Variants in KCNK3 observed in about 807,000 individuals in gnomAD.
The protein encoded by KCNK3 is potassium channel subfamily K member 3.
Under a neutral mutation model 27.3 loss-of-function variants are expected in KCNK3, and 9 were observed. That is an observed-to-expected ratio of 0.33 (90% CI 0.20 to 0.57). The LOEUF is 0.57. KCNK3 is among the 20% of genes least tolerant of loss of function. The pLI, the probability that KCNK3 is intolerant of heterozygous loss-of-function variation, is 0.87. For synonymous variants in KCNK3, 278 were observed against 273.8 expected, an observed-to-expected ratio of 1.02 and a Z score of -0.15; for missense variants, 391 against 577.7, an observed-to-expected ratio of 0.68 and a Z score of 3.31.
At chr2:26,706,580 C>A (rs557143296) in intron 1 of KCNK3, among the ~76,000 whole-genome samples, 1 of 152,260 alleles carries the variant, frequency 6.6e-6, no homozygotes, top group South Asian at 2.1e-4. Flanking sequence ...GGAGCAGGGG[C>A]TCCTCTTGTC....
At chr2:26,704,008 C>G (rs1670339658) in intron 1 of KCNK3, among the ~76,000 whole-genome samples, 1 of 152,088 alleles carries the variant, frequency 6.6e-6, no homozygotes, top group Admixed American at 6.5e-5. Flanking sequence ...TCTGTGTGCC[C>G]CTGCCTGAGT....
chr2:26,704,780 G>T (rs1670351830), intron 1 of KCNK3, among the ~76,000 whole-genome samples: 2 of 152,250 alleles, frequency 1.3e-5, no homozygotes, highest in Non-Finnish European at 2.9e-5. Context: ...AGATGGATCT[G>T]CCCTGGACTG....
intron 1 of KCNK3, among the ~76,000 whole-genome samples, chr2:26,699,250 A>AAAGAAAGAAAGCAAGCAAGC (rs35378015): frequency 6.3e-5 from 9 of 142,874 alleles, no homozygotes; most frequent in East Asian, 2.0e-4. Context: ...AGAAAGAAAG[A>AAAGAAAGAAAGCAAGCAAGC]AAGCCAGCCA....
chr2:26,728,388 G>A lies in KCNK3; in HGVS notation c.1005G>A (p.Thr335=), dbSNP rs1222044502. Residue 335 remains threonine, a synonymous_variant, in exon 2 of 2, where the codon ACG becomes ACA. Transcript: ENST00000302909. ...TGATCATCCCGCGGGACCTCTCCAC[G>A]TCCGACACGTGCGTGGAGCAGAGCC... is the stretch of plus-strand genomic sequence containing the variant. ...IPMIIPRDLS[T]SDTCVEQSHS... is the part of the protein sequence containing the mutation. 54 of 1,607,078 alleles carry A rather than the reference G, an allele frequency of 3.4e-5. No homozygotes were observed. Among genetic ancestry groups the A allele is most frequent in the Non-Finnish European group, 4.4e-5 (52 of 1,177,192 alleles).
At chr2:26,704,578 T>C (rs1670347812) in intron 1 of KCNK3, among the ~76,000 whole-genome samples, 1 of 152,160 alleles carries the variant, frequency 6.6e-6, no homozygotes, top group South Asian at 2.1e-4. Flanking sequence ...CGGGGCTTTC[T>C]CCAGGGAACT....
In KCNK3 at chr2:26,693,215, G is replaced by A; in HGVS notation, c.283+57G>A. Reference sequence around the variant, plus strand: ...CAGGGCTGGGCGCGGGGCTCCGGGAGTCGTCCGGGGCCGGCTGGGGCTGGG... The same window carrying A: ...CAGGGCTGGGCGCGGGGCTCCGGGAATCGTCCGGGGCCGGCTGGGGCTGGG... On this transcript the variant is annotated intron_variant, in intron 1 of 1. Coordinates refer to ENST00000302909, the MANE Select transcript of KCNK3 (RefSeq NM_002246.3). The surrounding 1 kb of genome is among the most constrained non-coding windows in gnomAD (Gnocchi z 5.5). 1 of 1,319,036 alleles carries A rather than the reference G, an allele frequency of 7.6e-7. No individual in the cohort carries two copies. The allele number at this position is 1,319,036 out of a possible 1,614,324, so 81.7% of individuals were successfully genotyped here.
rs763150623 is a variant in KCNK3 at position 26,733,322 on chromosome 2, G to T, written c.*4754G>T. On this transcript the variant is annotated 3_prime_UTR_variant, in exon 2 of 2. Coordinates refer to ENST00000302909, the MANE Select transcript of KCNK3 (RefSeq NM_002246.3). The stretch of plus-strand genomic sequence containing the variant: ...TGCCTCGTGGAAAAAATGGTTCGTT[G>T]GTCAAATGAATTTGGGAAAATGCTG... 6.6e-6 allele frequency: 1 copy of T among 152,156 alleles called. No individual in the cohort carries two copies. The highest frequency in any genetic ancestry group is 6.6e-5 in the Admixed American group (1 of 15,264). 9.4% of individuals were successfully genotyped at this position (152,156 alleles called of 1,614,324 possible).
chr2:26,703,147 T>C (rs1367232800), intron 1 of KCNK3, among the ~76,000 whole-genome samples: 1 of 152,144 alleles, frequency 6.6e-6, no homozygotes, highest in East Asian at 1.9e-4. Flanking sequence ...CGGAGCTCTC[T>C]TCAGTATGTG....
At chr2:26,699,207 GAGAAAGAAAGAA>G (rs1553384397) in intron 1 of KCNK3, among the ~76,000 whole-genome samples, 220 of 131,042 alleles carry the variant, frequency 1.7e-3, no homozygotes, top group South Asian at 3.9e-3. Flanking sequence ...AGGAAAGAGA[GAGAAAGAAAGAA>G]AGAAAGAAAG....
intron 1 of KCNK3, among the ~76,000 whole-genome samples, chr2:26,720,606 T>A (rs977448218): frequency 1.3e-5 from 2 of 152,070 alleles, no homozygotes; most frequent in Admixed American, 6.5e-5. Context: ...AGATCAGTAC[T>A]AGGGCCACCT....
chr2:26,695,084 C>G (rs1339929827), intron 1 of KCNK3, among the ~76,000 whole-genome samples: 1 of 152,224 alleles, frequency 6.6e-6, no homozygotes, highest in East Asian at 1.9e-4. Context: ...ATCTCCATAC[C>G]TGGCTCCAAC....
rs534139645 is a variant in KCNK3 at position 26,713,436 on chromosome 2, A to G, written c.284-14231A>G. Among the ~76,000 whole-genome samples the G allele has an allele frequency of 7.2e-5, 11 of 152,298 alleles. No homozygotes were observed. In the South Asian group the frequency reaches 2.1e-3, roughly 29 times the overall value. ...AGACTGTATTGTGTGGACTGGGGGA[A>G]CTAAGGAAGGTTTCTGAGTGGTGAA... On this transcript the variant is annotated intron_variant, in intron 1 of 1. Coordinates refer to ENST00000302909, the MANE Select transcript of KCNK3 (RefSeq NM_002246.3).
intron 1 of KCNK3, among the ~76,000 whole-genome samples, chr2:26,699,237 G>GAA (rs1670275911): frequency 6.6e-6 from 1 of 150,628 alleles, no homozygotes; most frequent in Non-Finnish European, 1.5e-5. Flanking sequence ...AAGAAAGAAA[G>GAA]AAAGAAAGAA....
At position 26,693,181 on chromosome 2, in the gene KCNK3, G is replaced by T. The variant is rs776348787; in HGVS notation, c.283+23G>T. The T allele has an allele frequency of 1.7e-6, 2 of 1,205,852 alleles. No homozygotes were observed. The highest frequency in any genetic ancestry group is 1.1e-6 in the Non-Finnish European group (1 of 896,682). 74.7% of individuals were successfully genotyped at this position (1,205,852 alleles called of 1,614,324 possible). On this transcript the variant is annotated intron_variant, in intron 1 of 1. Transcript: ENST00000302909. This position sits in a 1 kb window ranked among gnomAD's most constrained non-coding sequence, Gnocchi z 5.5. ...TCGGTAACGGCTCGCCGGGCGGGGG[G>T]CGGGAACCCAGGGCTGGGCGCGGGG...
Position 26,728,558 on chromosome 2 carries a change from G to A in KCNK3, c.1175G>A (p.Ser392Asn). The A allele has an allele frequency of 6.9e-7, 1 of 1,452,308 alleles. No homozygotes were observed. The highest frequency in any genetic ancestry group is 2.6e-5 in the Admixed American group (1 of 37,996). The allele number at this position is 1,452,308 out of a possible 1,614,324, so 90.0% of individuals were successfully genotyped here. A position where few individuals can be genotyped will look rare whatever the true frequency, so the allele number is the denominator to read the frequency against. ...TTCCGCGGCCTCATGAAGCGCAGGA[G>A]CTCCGTGTGACTGCCCCGAGGGGCC... ...STFRGLMKRR[S>N]SV is the part of the protein sequence containing the mutation. Residue 392 changes from serine to asparagine, a missense_variant, in exon 2 of 2, where the codon AGC becomes AAC. Around this residue, in one of 4 missense-constraint regions of KCNK3, gnomAD observed 192 missense variants for 196.0 expected, o/e 0.98. Transcript: ENST00000302909.
chr2:26,727,571 G>C (rs1002107395), intron 1 of KCNK3, 96 bp from the exon 2 acceptor site: 18 of 1,481,132 alleles, frequency 1.2e-5, no homozygotes, highest in Admixed American at 2.3e-5. Context: ...CCCACAAGGT[G>C]GGGGAGGTGG....
intron 1 of KCNK3, among the ~76,000 whole-genome samples, chr2:26,703,112 G>T (rs983722006): frequency 6.6e-6 from 1 of 152,086 alleles, no homozygotes; most frequent in African/African-American, 2.4e-5. Context: ...TGAGACTCTT[G>T]TCTCAAAACA....
At chr2:26,705,968 C>A (rs777123580) in intron 1 of KCNK3, among the ~76,000 whole-genome samples, 4 of 152,118 alleles carry the variant, frequency 2.6e-5, no homozygotes, top group Admixed American at 6.6e-5. Context: ...GGTGTGAGGA[C>A]CCTGCCCACG....
chr2:26,708,067 A>G (rs1335552752), intron 1 of KCNK3, among the ~76,000 whole-genome samples: 1 of 152,208 alleles, frequency 6.6e-6, no homozygotes, highest in African/African-American at 2.4e-5. Flanking sequence ...GGAAGTAGAG[A>G]GTCAACAAAC....
Sources: allele counts gnomAD v4.1 joint callset (sites outside exome capture counted in the v4.1 genomes callset), GRCh38; gene constraint gnomAD v4.1.1; regional missense constraint gnomAD v4.1.1; non-coding constraint Gnocchi (gnomAD v3.1); transcripts MANE v1.5; gene names NCBI Gene and HGNC (gene_info 2026-07-23, HGNC 2026-07-21).